SLC16A2: variants seen among roughly 807,000 people sequenced by gnomAD.
The protein encoded by SLC16A2 is solute carrier family 16 member 2, also known as monocarboxylate transporter 8.
In SLC16A2, 3 loss-of-function variants were observed where a neutral mutation model predicts 27.2. The observed-to-expected ratio is 0.11, with a 90% confidence interval of 0.05 to 0.28. The LOEUF is 0.28. Among genes scored for constraint, SLC16A2 ranks in the 10% least tolerant of loss-of-function variants. SLC16A2 has a pLI of 1.00. For missense variants in SLC16A2, 295 were observed against 458.5 expected (o/e 0.64, Z 3.26); for synonymous variants, 202 against 187.8 (o/e 1.08, Z -0.62).
intron 1 of SLC16A2, among the ~76,000 whole-genome samples, chrX:74,437,470 T>A (rs1928648975): frequency 8.9e-6 from 1 of 112,223 alleles, no homozygotes; most frequent in African/African-American, 3.2e-5. Context: ...TTCATTACCC[T>A]ACACATCTTG....
chrX:74,512,356 C>G (rs1220291460), intron 1 of SLC16A2, among the ~76,000 whole-genome samples: 1 of 112,109 alleles, frequency 8.9e-6, no homozygotes, highest in Non-Finnish European at 1.9e-5. Flanking sequence ...AGCCTTAGAA[C>G]CTGTCCTCTT....
chrX:74,496,251 AACACAC>A (rs768625772), intron 1 of SLC16A2, among the ~76,000 whole-genome samples: 6 of 64,155 alleles, frequency 9.4e-5, no homozygotes, highest in East Asian at 6.1e-4. Flanking sequence ...GAAGACAGAA[AACACAC>A]ACACACACAC....
intron 1 of SLC16A2, among the ~76,000 whole-genome samples, chrX:74,427,133 C>A (rs1168707396): frequency 8.9e-6 from 1 of 112,346 alleles, no homozygotes; most frequent in African/African-American, 3.2e-5. Context: ...CCTCAAGCCT[C>A]AGTTTGGACC....
chrX:74,449,557 A>G (rs1286895418), intron 1 of SLC16A2, among the ~76,000 whole-genome samples: 2 of 112,211 alleles, frequency 1.8e-5, no homozygotes, highest in African/African-American at 6.5e-5. Flanking sequence ...GGTTATGTCA[A>G]CTTCTCAAAG....
rs1232235967 is a variant in SLC16A2, at chrX:74,533,012, C to G, written c.*1459C>G. The G allele has an allele frequency of 8.9e-6, 1 of 112,062 alleles. No homozygotes were observed. Among genetic ancestry groups the G allele is most frequent in the Non-Finnish European group, 1.9e-5 (1 of 53,091 alleles). 9.2% of individuals were successfully genotyped at this position (112,062 alleles called of 1,213,427 possible). On this transcript the variant is annotated 3_prime_UTR_variant, in exon 6 of 6. Transcript: ENST00000587091. Reference sequence around the variant, plus strand: ...CAGCTCACCTCATTAGGAGCTCAGCCTCTCTCCTCACTCTGCCTCTTTGTG... The same window carrying G: ...CAGCTCACCTCATTAGGAGCTCAGCGTCTCTCCTCACTCTGCCTCTTTGTG...
intron 1 of SLC16A2, chrX:74,476,916 C>A (rs947879669): frequency 3.7e-4 from 41 of 111,874 alleles, no homozygotes; most frequent in African/African-American, 1.3e-3. Flanking sequence ...CGATGTTCAT[C>A]AAGGATATTG....
chrX:74,496,411 A>T (rs1319725516), intron 1 of SLC16A2, among the ~76,000 whole-genome samples: 2 of 111,895 alleles, frequency 1.8e-5, no homozygotes, highest in African/African-American at 6.5e-5. Context: ...GTATTCAACA[A>T]ATAGTGACTG....
chrX:74,525,262 G>T (rs959115540), intron 3 of SLC16A2, among the ~76,000 whole-genome samples: 22 of 112,021 alleles, frequency 2.0e-4, no homozygotes, highest in African/African-American at 6.5e-4. Context: ...AACCCATTCA[G>T]CTTTGTTTAA....
In SLC16A2 at chrX:74,531,926, G is replaced by C. The variant is rs1380857831; in HGVS notation, c.*373G>C. 3.9e-6 allele frequency: 1 copy of C among 256,441 alleles called. No individual in the cohort carries two copies. Among genetic ancestry groups the C allele is most frequent in the Non-Finnish European group, 7.0e-6 (1 of 142,077 alleles). 21.1% of individuals were successfully genotyped at this position (256,441 alleles called of 1,213,427 possible). A position where few individuals can be genotyped will look rare whatever the true frequency, so the allele number is the denominator to read the frequency against. On this transcript the variant is annotated 3_prime_UTR_variant, in exon 6 of 6. Transcript: ENST00000587091. Reference sequence around the variant, plus strand: ...GCCAAAGGTGCTACTGTGTCCCCAGGAGCCTAATAGGGTAGGCCCAAATCT... The same window carrying C: ...GCCAAAGGTGCTACTGTGTCCCCAGCAGCCTAATAGGGTAGGCCCAAATCT...
At chrX:74,423,304 G>A (rs1294609850) in intron 1 of SLC16A2, among the ~76,000 whole-genome samples, 1 of 111,980 alleles carries the variant, frequency 8.9e-6, no homozygotes, top group Non-Finnish European at 1.9e-5. Flanking sequence ...CCCTCGGACT[G>A]AGGAGTTCCA....
intron 1 of SLC16A2, among the ~76,000 whole-genome samples, chrX:74,443,391 A>T (rs1225242394): frequency 9.0e-6 from 1 of 111,633 alleles, no homozygotes; most frequent in Non-Finnish European, 1.9e-5. Flanking sequence ...ATCCTTCCCC[A>T]TGAACTCGAG....
chrX:74,442,089 G>A (rs12836232), intron 1 of SLC16A2, among the ~76,000 whole-genome samples: 4 of 109,413 alleles, frequency 3.7e-5, no homozygotes, highest in African/African-American at 1.0e-4. Flanking sequence ...TTAGCCAGAC[G>A]TGGTGGCGCA....
intron 1 of SLC16A2, among the ~76,000 whole-genome samples, chrX:74,427,880 C>T (rs768354156): frequency 2.7e-5 from 3 of 110,481 alleles, no homozygotes; most frequent in African/African-American, 9.9e-5. Flanking sequence ...TATGAATATT[C>T]CATCTGAAAT....
At chrX:74,505,054 T>C (rs1271167946) in intron 1 of SLC16A2, among the ~76,000 whole-genome samples, 4 of 111,964 alleles carry the variant, frequency 3.6e-5, no homozygotes, top group Non-Finnish European at 1.9e-5. Context: ...CTTAAATCCA[T>C]GTCTGTCTGA....
chrX:74,425,006 G>A (rs192885579), intron 1 of SLC16A2, among the ~76,000 whole-genome samples: 2 of 111,961 alleles, frequency 1.8e-5, no homozygotes, highest in East Asian at 5.6e-4. Context: ...CTACAGGCAT[G>A]CGCCACCACA....
intron 1 of SLC16A2, among the ~76,000 whole-genome samples, chrX:74,453,048 G>A: frequency 1.2e-5 from 1 of 83,939 alleles, no homozygotes; most frequent in East Asian, 7.4e-4. Context: ...TGCTGTGCAG[G>A]TTGCTTTTTT....
chrX:74,457,507 C>A (rs1929059313), intron 1 of SLC16A2, among the ~76,000 whole-genome samples: 1 of 111,567 alleles, frequency 9.0e-6, no homozygotes, highest in Admixed American at 9.6e-5. Context: ...CCAATGCTGT[C>A]CTTGAGCTCC....
chrX:74,459,124 C>A (rs1396296979), intron 1 of SLC16A2, among the ~76,000 whole-genome samples: 3 of 100,844 alleles, frequency 3.0e-5, no homozygotes, highest in Non-Finnish European at 5.9e-5. Flanking sequence ...CCAGCTGGAT[C>A]CCCTTAAGCC....
chrX:74,489,964 CACACAT>C (rs1204534627), intron 1 of SLC16A2, among the ~76,000 whole-genome samples: 78 of 62,877 alleles, frequency 1.2e-3, no homozygotes, highest in African/African-American at 5.2e-3. Flanking sequence ...ATAAAGGTCA[CACACAT>C]ACACACACAC....
Sources: allele counts gnomAD v4.1 joint callset (sites outside exome capture counted in the v4.1 genomes callset), GRCh38; gene constraint gnomAD v4.1.1; transcripts MANE v1.5; gene names NCBI Gene and HGNC (gene_info 2026-07-23, HGNC 2026-07-21).